Variants in PIEZO2 observed in about 807,000 individuals in gnomAD.
The protein encoded by PIEZO2 is piezo type mechanosensitive ion channel component 2.
PIEZO2 carries 172 observed loss-of-function variants against 337.3 expected under a neutral mutation model. That is an observed-to-expected ratio of 0.51 (90% CI 0.45 to 0.58). The LOEUF (loss-of-function observed/expected upper bound fraction) is 0.58, where lower values mean the gene tolerates loss of function less well. Ranked by LOEUF, PIEZO2 falls within the 20% of genes least tolerant of loss-of-function variation. The pLI, the probability that PIEZO2 is intolerant of heterozygous loss-of-function variation, is 0.00. For missense variants in PIEZO2, 3,028 were observed against 3,391.3 expected, an observed-to-expected ratio of 0.89 and a Z score of 2.66; for synonymous variants, 1,251 against 1,228.5, an observed-to-expected ratio of 1.02 and a Z score of -0.38.
At position 10,741,045 on chromosome 18, in the gene PIEZO2, A is replaced by G; in HGVS notation, c.4694T>C (p.Val1565Ala). The G allele has an allele frequency of 2.0e-6, 3 of 1,537,198 alleles. No homozygotes were observed. Among genetic ancestry groups the G allele is most frequent in the Non-Finnish European group, 1.7e-6 (2 of 1,146,896 alleles). ...GKKKQWWRPW[V>A]DHASMVRSGD... Reference sequence around the variant, plus strand: ...AGAAAACCTACTGGAAGCATGATCAACCCAAGGCCGCCACCACTGCTTTTT... The same window carrying G: ...AGAAAACCTACTGGAAGCATGATCAGCCCAAGGCCGCCACCACTGCTTTTT... The change falls in exon 33 of 56, where the codon GTT becomes GCT. Residue 1565 changes from valine to alanine, a missense_variant. By Grantham distance (64) the Val-to-Ala change is moderately conservative. This residue lies in a region of PIEZO2 where 1,925 missense variants were observed against 2,051.9 expected (regional missense o/e 0.94). Coordinates refer to ENST00000674853, the MANE Select transcript of PIEZO2 (RefSeq NM_001378183.1).
Position 10,672,794 on chromosome 18 carries a change from G to T in PIEZO2, c.8241C>A (p.Asn2747Lys). The change falls in exon 55 of 56, where the codon AAC (asparagine) becomes AAA (lysine). Residue 2747 changes from asparagine (N) to lysine (K), a missense_variant. By Grantham distance (94) the Asn-to-Lys change is moderately conservative. Around this residue, in one of 5 missense-constraint regions of PIEZO2, gnomAD observed 332 missense variants for 363.8 expected, o/e 0.91. Coordinates refer to ENST00000674853, the MANE Select transcript of PIEZO2 (RefSeq NM_001378183.1). This position sits in a 1 kb window ranked among gnomAD's most constrained non-coding sequence, Gnocchi z 4.7. ...GATTGTATATTCTGTTTCCAGTCAG[G>T]TTGAGAACCCACCACTCACTGTTAT... ...TKYNSEWWVLNLTGNRIYNPN... is the reference protein window; with the variant it reads ...TKYNSEWWVLKLTGNRIYNPN... 1 of 1,613,686 alleles carries T rather than the reference G, an allele frequency of 6.2e-7. No homozygotes were observed. The highest frequency in any genetic ancestry group is 8.5e-7 in the Non-Finnish European group (1 of 1,179,644).
chr18:10,815,191 A>AT lies in PIEZO2; in HGVS notation c.918-7918dup, dbSNP rs2040325447. On this transcript the variant is annotated intron_variant, in intron 7 of 55. Transcript: ENST00000674853. The surrounding 1 kb of genome is among the most constrained non-coding windows in gnomAD (Gnocchi z 4.1). ...TTTTTAAAGGTTAAAAACAATGAAAATTCAAGTGGCACATATTCTACTTAG... is the reference window on the plus strand; with the variant it reads ...TTTTTAAAGGTTAAAAACAATGAAAATTTCAAGTGGCACATATTCTACTTAG... 6.6e-6 allele frequency among the ~76,000 whole-genome samples: 1 copy of AT among 152,224 alleles called. No homozygotes were observed. The highest frequency in any genetic ancestry group is 1.5e-5 in the Non-Finnish European group (1 of 68,040).
At chr18:10,811,250 G>A (rs1007193402) in intron 7 of PIEZO2, among the ~76,000 whole-genome samples, 3 of 152,086 alleles carry the variant, frequency 2.0e-5, no homozygotes, top group African/African-American at 4.8e-5. Flanking sequence ...CTTAGATTCA[G>A]TTTTCCCTAT....
At chr18:10,705,275 G>C in intron 41 of PIEZO2, 61 bp downstream of exon 41, 2 of 1,444,260 alleles carry the variant, frequency 1.4e-6, no homozygotes, top group Non-Finnish European at 1.8e-6. Context: ...TACAGAATTA[G>C]GGCATTATGT....
At position 11,016,729 on chromosome 18, in the gene PIEZO2, G is replaced by GT. The variant is rs1295110093; in HGVS notation, c.161-37070dup. 6.6e-6 allele frequency among the ~76,000 whole-genome samples: 1 copy of GT among 152,138 alleles called. No individual in the cohort carries two copies. The highest frequency in any genetic ancestry group is 2.1e-4 in the South Asian group (1 of 4,830). ...GAAAAACTCCATCAAATAATGTAAT[G>GT]TTTTTTCACTGGAGGCAAATTCCTT... On this transcript the variant is annotated intron_variant, in intron 2 of 55. Coordinates refer to ENST00000674853, the MANE Select transcript of PIEZO2 (RefSeq NM_001378183.1). The surrounding 1 kb of genome is among the most constrained non-coding windows in gnomAD (Gnocchi z 5.6).
chr18:10,974,320 A>C (rs919879109), intron 3 of PIEZO2, among the ~76,000 whole-genome samples: 26 of 152,220 alleles, frequency 1.7e-4, no homozygotes, highest in African/African-American at 6.3e-4. Flanking sequence ...TGCTTGTAAA[A>C]AGAGAAAAGA....
At chr18:11,005,914 A>T (rs1031847507) in intron 2 of PIEZO2, among the ~76,000 whole-genome samples, 1 of 152,362 alleles carries the variant, frequency 6.6e-6, no homozygotes, top group East Asian at 1.9e-4. Flanking sequence ...AAAGGCTGAG[A>T]TTATCCTCCA....
At chr18:10,800,577 GA>G in intron 10 of PIEZO2, 102 bp from the exon 11 acceptor site, 4 of 1,332,308 alleles carry the variant, frequency 3.0e-6, no homozygotes, top group Non-Finnish European at 3.9e-6. Flanking sequence ...GAACAGTGAG[GA>G]GTTGATTACA....
intron 1 of PIEZO2, among the ~76,000 whole-genome samples, chr18:11,085,961 C>T (rs1424732283): frequency 6.6e-6 from 1 of 151,948 alleles, no homozygotes; most frequent in Non-Finnish European, 1.5e-5. Flanking sequence ...CTACCCAGGA[C>T]AGACACTATA....
chr18:10,708,938 A>T (rs553119790), intron 39 of PIEZO2, among the ~76,000 whole-genome samples: 1 of 152,240 alleles, frequency 6.6e-6, no homozygotes, highest in African/African-American at 2.4e-5. Flanking sequence ...AGAATTAGAG[A>T]GGGGAAACTC....
In PIEZO2 at chr18:11,078,036, CCACACACACCCACA is replaced by C. The variant is rs1283989194; in HGVS notation, c.65-11828_65-11815del. ...AAAACACATGTGCGTGCACACACAC[CCACACACACCCACA>C]CACACACACACACACACCACACACA... On this transcript the variant is annotated intron_variant, in intron 1 of 55. Transcript: ENST00000674853. The surrounding 1 kb of genome is among the most constrained non-coding windows in gnomAD (Gnocchi z 5.3). Among the ~76,000 whole-genome samples the C allele has an allele frequency of 1.8e-3, 207 of 116,058 alleles. No homozygotes were observed. The highest frequency in any genetic ancestry group is 7.6e-3 in the Middle Eastern group (2 of 264). The allele number at this position is 116,058 out of a possible 152,430, so 76.1% of individuals were successfully genotyped here. A position where few individuals can be genotyped will look rare whatever the true frequency, so the allele number is the denominator to read the frequency against.
Position 10,781,719 on chromosome 18 carries a change from A to G in PIEZO2, c.2493-1353T>C, listed in dbSNP as rs1214871721. On this transcript the variant is annotated intron_variant, in intron 17 of 55. Transcript: ENST00000674853. The surrounding 1 kb of genome is among the most constrained non-coding windows in gnomAD (Gnocchi z 4.1). ...AAACATAATAAATTCTGCTTCATAC[A>G]CAAGTGACATGTGCCTACATTACAT... Among the ~76,000 whole-genome samples, 1 of 152,198 alleles carries G rather than the reference A, an allele frequency of 6.6e-6. No homozygotes were observed. The highest frequency in any genetic ancestry group is 1.5e-5 in the Non-Finnish European group (1 of 68,040).
chr18:11,071,800 C>T (rs2038347843), intron 1 of PIEZO2, among the ~76,000 whole-genome samples: 1 of 152,178 alleles, frequency 6.6e-6, no homozygotes, highest in Non-Finnish European at 1.5e-5. Flanking sequence ...CAGAGGCCTC[C>T]AGGAGGCCGG....
At chr18:11,095,891 G>C (rs2039249558) in intron 1 of PIEZO2, among the ~76,000 whole-genome samples, 1 of 152,016 alleles carries the variant, frequency 6.6e-6, no homozygotes, top group African/African-American at 2.4e-5. Context: ...TGGCCCAGCT[G>C]TTGAGTAAGG....
intron 2 of PIEZO2, among the ~76,000 whole-genome samples, chr18:11,043,780 C>G (rs1234586780): frequency 6.6e-6 from 1 of 152,042 alleles, no homozygotes; most frequent in East Asian, 1.9e-4. Context: ...AGCAATTCTT[C>G]TGCCTCAGCC....
chr18:10,765,430 G>T (rs150281956), intron 21 of PIEZO2, among the ~76,000 whole-genome samples: 1 of 152,328 alleles, frequency 6.6e-6, no homozygotes, highest in East Asian at 1.9e-4. Flanking sequence ...CCACGTTACG[G>T]TGAGGATGCC....
chr18:11,051,382 G>T lies in PIEZO2; in HGVS notation c.160+14745C>A, dbSNP rs1214462617. 6.1e-4 allele frequency among the ~76,000 whole-genome samples: 77 copies of T among 126,842 alleles called. 1 individual carries two copies. The South Asian group carries it at 0.013, about 21-fold the overall frequency. The allele number at this position is 126,842 out of a possible 152,430, so 83.2% of individuals were successfully genotyped here. ...GTGTGTGTGTGTGGGTGTGGGTGTG[G>T]GTGTGGGTGTAACATAAACATTTCA... is the stretch of plus-strand genomic sequence containing the variant. On this transcript the variant is annotated intron_variant, in intron 2 of 55. Coordinates refer to ENST00000674853, the MANE Select transcript of PIEZO2 (RefSeq NM_001378183.1).
intron 3 of PIEZO2, among the ~76,000 whole-genome samples, chr18:10,930,577 T>A (rs1185519673): frequency 6.6e-6 from 1 of 152,248 alleles, no homozygotes; most frequent in African/African-American, 2.4e-5. Flanking sequence ...CTCCTGAGGC[T>A]GTGTCATAGG....
At chr18:10,817,234 T>C (rs2040389816) in intron 7 of PIEZO2, among the ~76,000 whole-genome samples, 1 of 152,070 alleles carries the variant, frequency 6.6e-6, no homozygotes, top group Admixed American at 6.6e-5. Context: ...AGAGTTCCCT[T>C]ATAAAAAACA....
Sources: gnomAD v4.1 joint callset for allele counts (sites outside exome capture counted in the v4.1 genomes callset) on GRCh38, gnomAD v4.1.1 for gene constraint, gnomAD v4.1.1 regional missense constraint, Gnocchi (gnomAD v3.1) non-coding constraint, MANE v1.5 for transcripts, NCBI Gene and HGNC (gene_info 2026-07-23, HGNC 2026-07-21) for gene names.